ABLIM3: variants seen among roughly 807,000 people sequenced by gnomAD.
The protein encoded by ABLIM3 is actin binding LIM protein family member 3, also known as actin-binding LIM protein 3.
ABLIM3 carries 61 observed loss-of-function variants against 109.5 expected under a neutral mutation model. That is an observed-to-expected ratio of 0.56 (90% confidence interval 0.45 to 0.69). ABLIM3 has a LOEUF of 0.69. Among genes scored for constraint, ABLIM3 ranks in the 30% least tolerant of loss-of-function variants. The pLI is 0.00. For synonymous variants in ABLIM3, 300 were observed against 324.8 expected (o/e 0.92, Z 0.82); for missense variants, 796 against 889.5 (o/e 0.89, Z 1.34).
At chr5:149,174,272 TA>T (rs879724906) in intron 2 of ABLIM3, among the ~76,000 whole-genome samples, 1,547 of 141,966 alleles carry the variant, frequency 0.011, 12 homozygotes, top group African/African-American at 0.028. Context: ...TTCATAGCTT[TA>T]AAAAAAAAAA....
intron 17 of ABLIM3, 102 bp from the exon 18 acceptor site, chr5:149,247,679 AG>A (rs1753513407): frequency 6.9e-7 from 1 of 1,451,672 alleles, no homozygotes; most frequent in Admixed American, 1.7e-5. Flanking sequence ...ACATGAGAGC[AG>A]GCTGCTATGG....
At chr5:149,244,706 T>C (rs1753181347) in intron 15 of ABLIM3, 175 bp from the exon 16 acceptor site, 2 of 743,172 alleles carry the variant, frequency 2.7e-6, no homozygotes, top group Non-Finnish European at 4.4e-6. Flanking sequence ...AAATGAGGGT[T>C]TGGCCCCAGT....
chr5:149,146,471 C>A (rs1043771817), intron 2 of ABLIM3, among the ~76,000 whole-genome samples: 1 of 152,132 alleles, frequency 6.6e-6, no homozygotes, highest in East Asian at 1.9e-4. Context: ...ATCTTTCATC[C>A]ATCTTGAGTT....
chr5:149,217,339 G>C (rs1362562213), intron 8 of ABLIM3: 3 of 453,244 alleles, frequency 6.6e-6, no homozygotes, highest in Non-Finnish European at 1.2e-5. Flanking sequence ...CTCTGCCTTG[G>C]GGGTGGGAAG....
intron 14 of ABLIM3, 69 bp downstream of exon 14, chr5:149,240,843 C>A: frequency 7.0e-7 from 1 of 1,428,950 alleles, no homozygotes; most frequent in East Asian, 2.3e-5. Flanking sequence ...GCCTGAGTCA[C>A]CCCCTCGATG....
At chr5:149,201,302 A>G (rs1397207451) in intron 5 of ABLIM3, among the ~76,000 whole-genome samples, 2 of 152,038 alleles carry the variant, frequency 1.3e-5, no homozygotes, top group Non-Finnish European at 2.9e-5. Context: ...GTGTTCTTTC[A>G]TGTTATATGA....
At chr5:149,252,064 C>T in intron 21 of ABLIM3, 137 bp from the exon 22 acceptor site, 2 of 928,546 alleles carry the variant, frequency 2.2e-6, no homozygotes, top group Admixed American at 2.8e-5. Context: ...TCAGCAAGGA[C>T]AAGGTCTCTG....
At chr5:149,220,012 C>T (rs891125391) in intron 8 of ABLIM3, 5 of 152,154 alleles carry the variant, frequency 3.3e-5, no homozygotes, top group African/African-American at 9.7e-5. Context: ...GGGCAAGTCT[C>T]GTAACTCTCT....
intron 2 of ABLIM3, among the ~76,000 whole-genome samples, chr5:149,160,456 C>T (rs1179464988): frequency 8.7e-5 from 9 of 103,600 alleles, no homozygotes; most frequent in East Asian, 7.4e-4. Flanking sequence ...AGTGAGACTC[C>T]GTCTCAAAAA....
At chr5:149,239,713 C>T (rs1752599690) in intron 12 of ABLIM3, 46 bp from the exon 13 acceptor site, 1 of 1,536,382 alleles carries the variant, frequency 6.5e-7, no homozygotes. Context: ...GGGCCACAGG[C>T]CCACTTAACA....
At chr5:149,220,901 T>C (rs1561601976) in intron 8 of ABLIM3, 1 of 152,116 alleles carries the variant, frequency 6.6e-6, no homozygotes, top group South Asian at 2.1e-4. Context: ...CAGAGATGAG[T>C]GAGGCAAGCA....
intron 7 of ABLIM3, 70 bp downstream of exon 7, chr5:149,210,889 A>T: frequency 2.8e-6 from 4 of 1,415,502 alleles, no homozygotes; most frequent in Non-Finnish European, 4.0e-6. Flanking sequence ...ATCACAGAAG[A>T]AGGAGAAAGT....
At position 149,230,662 on chromosome 5, in the gene ABLIM3, G is replaced by T. The variant is rs1358978932; in HGVS notation, c.771G>T (p.Trp257Cys). ...ATGACCCCTTAGGTTCCGAGGTTTG[G>T]CACCCCATCTGCAAACAGGCAGCCC... is the stretch of plus-strand genomic sequence containing the variant. ...EEMYLTGSEVWHPICKQAARA... is the reference protein window; with the variant it reads ...EEMYLTGSEVCHPICKQAARA... The change falls in exon 9 of 24, where the codon TGG becomes TGT. Residue 257 changes from tryptophan (W) to cysteine (C), a missense_variant. Coordinates refer to ENST00000309868, the MANE Select transcript of ABLIM3 (RefSeq NM_014945.5). 1 of 1,613,894 alleles carries T rather than the reference G, an allele frequency of 6.2e-7. No individual in the cohort carries two copies. Among genetic ancestry groups the T allele is most frequent in the Non-Finnish European group, 8.5e-7 (1 of 1,179,936 alleles).
At chr5:149,204,444 A>C (rs1758776733) in intron 5 of ABLIM3, among the ~76,000 whole-genome samples, 1 of 152,186 alleles carries the variant, frequency 6.6e-6, no homozygotes, top group East Asian at 1.9e-4. Flanking sequence ...AAAGGTCCTA[A>C]TAAATAAGAA....
intron 8 of ABLIM3, chr5:149,218,480 C>T (rs914515616): frequency 9.2e-5 from 14 of 152,300 alleles, no homozygotes; most frequent in African/African-American, 3.1e-4. Flanking sequence ...ATAGGATGCA[C>T]CAAAATGAGA....
At chr5:149,148,076 A>T (rs1753090722) in intron 2 of ABLIM3, among the ~76,000 whole-genome samples, 1 of 152,128 alleles carries the variant, frequency 6.6e-6, no homozygotes, top group African/African-American at 2.4e-5. Flanking sequence ...TTAAGGATTA[A>T]ATGGGATTAT....
In ABLIM3 at chr5:149,244,894, A is replaced by G. The variant is rs751194784; in HGVS notation, c.1365A>G (p.Thr455=). Residue 455 remains threonine (T), a synonymous_variant, in exon 16 of 24, where the codon ACA becomes ACG. Transcript: ENST00000309868. The stretch of plus-strand genomic sequence containing the variant: ...GGTCCTCTGCAGGTGATTTGTCTAC[A>G]GCAACCAAGAGCAAAACAAGTGAAG... ...PIYKRHGDLS[T]ATKSKTSEDI... 6.2e-7 allele frequency: 1 copy of G among 1,614,148 alleles called. No individual in the cohort carries two copies. Among genetic ancestry groups the G allele is most frequent in the Non-Finnish European group, 8.5e-7 (1 of 1,180,030 alleles).
intron 7 of ABLIM3, among the ~76,000 whole-genome samples, chr5:149,216,301 A>G (rs748376429): frequency 6.6e-6 from 1 of 152,224 alleles, no homozygotes; most frequent in South Asian, 2.1e-4. Flanking sequence ...TATATACGAC[A>G]TAACAGGAAA....
chr5:149,190,435 T>C (rs1316591879), intron 3 of ABLIM3, among the ~76,000 whole-genome samples: 2 of 152,214 alleles, frequency 1.3e-5, no homozygotes, highest in Admixed American at 1.3e-4. Flanking sequence ...ATCCCAGCAC[T>C]TTGGGAGGCC....
Sources: gnomAD v4.1 joint callset for allele counts (sites outside exome capture counted in the v4.1 genomes callset) on GRCh38, gnomAD v4.1.1 for gene constraint, MANE v1.5 for transcripts, NCBI Gene and HGNC (gene_info 2026-07-23, HGNC 2026-07-21) for gene names.